SPMAP2L: variants seen among roughly 807,000 people sequenced by gnomAD.
SPMAP2L encodes sperm microtubule associated protein 2-like.
chr4:56,587,583 C>T, the SPMAP2L span, among the ~76,000 whole-genome samples: 1 of 151,778 alleles, frequency 6.6e-6, no homozygotes, highest in Non-Finnish European at 1.5e-5. Flanking sequence ...GTTTTTCATT[C>T]TTGAGTTACT....
chr4:56,614,651 T>TA, the SPMAP2L span, among the ~76,000 whole-genome samples: 1,447 of 146,220 alleles, frequency 9.9e-3, 20 homozygotes, highest in African/African-American at 0.031. Flanking sequence ...GAGATCCGTC[T>TA]AAAAAAAAAA....
chr4:56,549,234 G>A, the SPMAP2L span, among the ~76,000 whole-genome samples: 1 of 152,012 alleles, frequency 6.6e-6, no homozygotes, highest in Non-Finnish European at 1.5e-5. Flanking sequence ...TGATCTGCCC[G>A]CCTCTGCCTC....
the SPMAP2L span, among the ~76,000 whole-genome samples, chr4:56,585,882 GA>G: frequency 6.6e-6 from 1 of 152,110 alleles, no homozygotes. Flanking sequence ...AATCAGTTTG[GA>G]AAACAAACTC....
chr4:56,585,933 G>T, the SPMAP2L span, among the ~76,000 whole-genome samples: 1 of 152,158 alleles, frequency 6.6e-6, no homozygotes, highest in East Asian at 1.9e-4. Flanking sequence ...CAGCCTTAAA[G>T]TTCTCATCTA....
the SPMAP2L span, among the ~76,000 whole-genome samples, chr4:56,598,491 G>A: frequency 6.6e-6 from 1 of 152,148 alleles, no homozygotes; most frequent in Admixed American, 6.5e-5. Flanking sequence ...AGGGTAATTA[G>A]GCTGACTTGT....
the SPMAP2L span, among the ~76,000 whole-genome samples, chr4:56,567,813 A>G: frequency 1.4e-4 from 21 of 151,828 alleles, no homozygotes; most frequent in Non-Finnish European, 1.5e-5. Context: ...TTTGATTATC[A>G]TATATCTTAA....
At chr4:56,573,218 G>A in the SPMAP2L span, among the ~76,000 whole-genome samples, 6 of 152,138 alleles carry the variant, frequency 3.9e-5, no homozygotes, top group Admixed American at 2.0e-4. Flanking sequence ...CATTTGAATA[G>A]TGCTTTGTGA....
the SPMAP2L span, chr4:56,531,281 C>A: frequency 7.4e-7 from 1 of 1,347,354 alleles, no homozygotes; most frequent in Non-Finnish European, 9.8e-7. Context: ...TGGAGGTTTG[C>A]ATGCAAGAGC....
chr4:56,611,519 C>A, the SPMAP2L span, among the ~76,000 whole-genome samples: 1 of 152,142 alleles, frequency 6.6e-6, no homozygotes, highest in Non-Finnish European at 1.5e-5. Flanking sequence ...TCACAAATCA[C>A]CACTAAAGTA....
At chr4:56,590,601 T>C in the SPMAP2L span, among the ~76,000 whole-genome samples, 2 of 152,232 alleles carry the variant, frequency 1.3e-5, no homozygotes, top group Non-Finnish European at 2.9e-5. Flanking sequence ...ACTGCTGATG[T>C]CACAGGCATG....
the SPMAP2L span, among the ~76,000 whole-genome samples, chr4:56,531,964 C>T: frequency 6.6e-5 from 10 of 152,318 alleles, no homozygotes; most frequent in Admixed American, 3.9e-4. Context: ...CTCTGGTTAT[C>T]CATCATACTT....
the SPMAP2L span, among the ~76,000 whole-genome samples, chr4:56,619,871 AAAAAC>A: frequency 3.9e-5 from 5 of 127,960 alleles, no homozygotes; most frequent in African/African-American, 1.5e-4. Context: ...TCAATACTAA[AAAAAC>A]AAAAACAAAA....
chr4:56,622,303 T>C, the SPMAP2L span, among the ~76,000 whole-genome samples: 27 of 152,390 alleles, frequency 1.8e-4, no homozygotes, highest in African/African-American at 5.5e-4. Flanking sequence ...AGCAGCATTA[T>C]TTATTTTGCA....
the SPMAP2L span, among the ~76,000 whole-genome samples, chr4:56,588,003 C>T: frequency 1.1e-4 from 16 of 152,272 alleles, no homozygotes; most frequent in African/African-American, 3.6e-4. Context: ...TTTTTGATTA[C>T]GGCCATTCTT....
chr4:56,569,305 T>A, the SPMAP2L span, among the ~76,000 whole-genome samples: 1 of 152,358 alleles, frequency 6.6e-6, no homozygotes, highest in South Asian at 2.1e-4. Context: ...TCCACATCCT[T>A]ACCAACACTT....
the SPMAP2L span, among the ~76,000 whole-genome samples, chr4:56,600,145 A>G: frequency 4.4e-4 from 34 of 77,994 alleles, 2 homozygotes; most frequent in East Asian, 0.01. Context: ...AGGTTTTGCC[A>G]TTTTGTCCAG....
chr4:56,561,052 G>A, the SPMAP2L span, among the ~76,000 whole-genome samples: 1 of 152,158 alleles, frequency 6.6e-6, no homozygotes, highest in Non-Finnish European at 1.5e-5. Flanking sequence ...GGCCAGACAT[G>A]CTTTTTAATC....
At chr4:56,589,735 T>C in the SPMAP2L span, among the ~76,000 whole-genome samples, 1 of 147,262 alleles carries the variant, frequency 6.8e-6, no homozygotes, top group Non-Finnish European at 1.5e-5. Flanking sequence ...TTTGTTTTTG[T>C]GTGTGGGGGG....
the SPMAP2L span, among the ~76,000 whole-genome samples, chr4:56,546,331 G>A: frequency 6.6e-6 from 1 of 152,082 alleles, no homozygotes; most frequent in African/African-American, 2.4e-5. Flanking sequence ...ATTTCGTTCC[G>A]GGAACTCTGA....
Sources: allele counts gnomAD v4.1 joint callset (sites outside exome capture counted in the v4.1 genomes callset), GRCh38; gene constraint gnomAD v4.1.1; transcripts MANE v1.5; gene names NCBI Gene and HGNC (gene_info 2026-07-23, HGNC 2026-07-21).